DIAPH2: variants seen among roughly 807,000 people sequenced by gnomAD.
DIAPH2 encodes protein diaphanous homolog 2.
A neutral mutation model predicts 92.7 loss-of-function variants in DIAPH2; 35 were observed. That is an observed-to-expected ratio of 0.38 (90% CI 0.29 to 0.50). The LOEUF is 0.50. Ranked by LOEUF, DIAPH2 falls within the 20% of genes least tolerant of loss-of-function variation. The pLI is 0.94. For missense variants in DIAPH2, 701 were observed against 819.5 expected, an observed-to-expected ratio of 0.86 and a Z score of 1.77; for synonymous variants, 301 against 280.4, an observed-to-expected ratio of 1.07 and a Z score of -0.73.
intron 23 of DIAPH2, among the ~76,000 whole-genome samples, chrX:97,338,794 A>G (rs1265860666): frequency 6.2e-5 from 7 of 112,142 alleles, no homozygotes; most frequent in African/African-American, 2.3e-4. Flanking sequence ...TTCTAATTCT[A>G]ATGGAACATG....
intron 4 of DIAPH2, among the ~76,000 whole-genome samples, chrX:96,844,124 G>GCA (rs1180122896): frequency 8.9e-6 from 1 of 112,074 alleles, no homozygotes; most frequent in Non-Finnish European, 1.9e-5. Flanking sequence ...CTTCCCCAAT[G>GCA]CACATACTCT....
intron 23 of DIAPH2, among the ~76,000 whole-genome samples, chrX:97,330,075 G>C (rs2068985968): frequency 1.3e-5 from 1 of 77,150 alleles, no homozygotes; most frequent in African/African-American, 4.6e-5. Context: ...TAAAAATTTA[G>C]ATTTGGTGTT....
At chrX:97,102,931 C>A (rs760080257) in intron 20 of DIAPH2, among the ~76,000 whole-genome samples, 45 of 111,281 alleles carry the variant, frequency 4.0e-4, no homozygotes, top group African/African-American at 1.3e-3. Flanking sequence ...CAGAGCAAGA[C>A]TCCGCCTCAA....
At position 97,002,079 on chromosome X, in the gene DIAPH2, A is replaced by T. The variant is rs190306706; in HGVS notation, c.2050+36872A>T. 8.7e-3 allele frequency among the ~76,000 whole-genome samples: 969 copies of T among 111,132 alleles called. 8 individuals are homozygous for T. Among genetic ancestry groups the T allele is most frequent in the Middle Eastern group, 0.019 (4 of 215 alleles). Reference sequence around the variant, plus strand: ...AGTCAATAATCCACAAATGTATATTAGTCTCAGTGGCTGAGAGTCTGTGAG... The same window carrying T: ...AGTCAATAATCCACAAATGTATATTTGTCTCAGTGGCTGAGAGTCTGTGAG... On this transcript the variant is annotated intron_variant, in intron 17 of 26. Transcript: ENST00000324765.
chrX:97,372,883 A>G (rs1246134231), intron 24 of DIAPH2, among the ~76,000 whole-genome samples: 1 of 111,069 alleles, frequency 9.0e-6, no homozygotes, highest in African/African-American at 3.3e-5. Context: ...AGGCTGAGGC[A>G]GGAGAATCAC....
intron 26 of DIAPH2, among the ~76,000 whole-genome samples, chrX:97,503,552 C>T (rs1036185797): frequency 8.9e-6 from 1 of 112,029 alleles, no homozygotes; most frequent in African/African-American, 3.2e-5. Context: ...ATGCAGATTT[C>T]TTGATCCTCA....
chrX:97,017,979 G>A (rs1439470420), intron 17 of DIAPH2, among the ~76,000 whole-genome samples: 5 of 112,435 alleles, frequency 4.4e-5, no homozygotes, highest in African/African-American at 1.6e-4. Context: ...AGTTGCCTAG[G>A]TGAGCAAGGA....
intron 19 of DIAPH2, among the ~76,000 whole-genome samples, chrX:97,090,787 T>C (rs899714746): frequency 9.0e-6 from 1 of 110,840 alleles, no homozygotes; most frequent in African/African-American, 3.3e-5. Context: ...AAGAAAAGGG[T>C]CATTTGAGAT....
At chrX:97,583,248 C>T (rs751800839) in intron 26 of DIAPH2, among the ~76,000 whole-genome samples, 4,008 of 111,068 alleles carry the variant, frequency 0.036, 72 homozygotes, top group Non-Finnish European at 0.054. Flanking sequence ...AGGAGAGGCG[C>T]TCTGATTTTT....
chrX:96,978,348 A>ATAT (rs201359270), intron 17 of DIAPH2, among the ~76,000 whole-genome samples: 11 of 110,138 alleles, frequency 1.0e-4, no homozygotes, highest in East Asian at 2.8e-4. Context: ...AGCCCCATTT[A>ATAT]TATTATTATT....
intron 23 of DIAPH2, among the ~76,000 whole-genome samples, chrX:97,290,782 C>A (rs2147611874): frequency 8.9e-6 from 1 of 111,996 alleles, no homozygotes; most frequent in South Asian, 3.7e-4. Flanking sequence ...TTTAAGAAAG[C>A]TAGTGTATCT....
rs965589931 is a variant in DIAPH2, at chrX:97,599,940, C to T, written c.*623C>T. On this transcript the variant is annotated 3_prime_UTR_variant, in exon 27 of 27. Coordinates refer to ENST00000324765, the MANE Select transcript of DIAPH2 (RefSeq NM_006729.5). ...GGCTGAAATTAAACTTATCATTAGT[C>T]TAGCTAGCATTTCAGCATGATATTG... 4.4e-5 allele frequency: 5 copies of T among 112,485 alleles called. No individual in the cohort carries two copies. Among genetic ancestry groups the T allele is most frequent in the African/African-American group, 1.6e-4 (5 of 30,950 alleles). The allele number at this position is 112,485 out of a possible 1,213,427, so 9.3% of individuals were successfully genotyped here.
intron 23 of DIAPH2, among the ~76,000 whole-genome samples, chrX:97,279,089 A>T (rs1306814885): frequency 9.0e-6 from 1 of 111,628 alleles, no homozygotes; most frequent in Non-Finnish European, 1.9e-5. Flanking sequence ...AAGCCTGGGG[A>T]AATTAACTGA....
At chrX:97,100,561 G>A (rs1444525292) in intron 20 of DIAPH2, among the ~76,000 whole-genome samples, 2 of 111,663 alleles carry the variant, frequency 1.8e-5, no homozygotes, top group African/African-American at 6.5e-5. Flanking sequence ...TGGAGAAAAA[G>A]CTATTTTTTA....
chrX:97,454,584 G>A (rs190252035), intron 26 of DIAPH2, among the ~76,000 whole-genome samples: 165 of 108,484 alleles, frequency 1.5e-3, no homozygotes, highest in African/African-American at 2.4e-3. Context: ...GGCTGGGTGC[G>A]GTGACTCACG....
chrX:97,525,180 G>A (rs1276688411), intron 26 of DIAPH2, among the ~76,000 whole-genome samples: 3 of 111,899 alleles, frequency 2.7e-5, no homozygotes, highest in African/African-American at 6.5e-5. Context: ...TGTCACCTCT[G>A]TGGCTTCCTA....
chrX:96,687,741 C>T (rs1053386665), intron 1 of DIAPH2, among the ~76,000 whole-genome samples: 1 of 111,316 alleles, frequency 9.0e-6, no homozygotes, highest in African/African-American at 3.3e-5. Context: ...TTCAGAGTGG[C>T]ATTTCAACAC....
intron 17 of DIAPH2, among the ~76,000 whole-genome samples, chrX:97,015,927 C>T (rs1421183563): frequency 2.7e-5 from 3 of 110,696 alleles, no homozygotes; most frequent in Non-Finnish European, 5.7e-5. Context: ...TCTATGCTTG[C>T]TTTGGTTTTG....
chrX:97,130,401 A>G (rs753710583), intron 21 of DIAPH2, among the ~76,000 whole-genome samples: 15 of 111,941 alleles, frequency 1.3e-4, no homozygotes, highest in Non-Finnish European at 2.8e-4. Context: ...CATATATACA[A>G]TGGAATACTG....
Sources: gnomAD v4.1 joint callset for allele counts (sites outside exome capture counted in the v4.1 genomes callset) on GRCh38, gnomAD v4.1.1 for gene constraint, MANE v1.5 for transcripts, NCBI Gene and HGNC (gene_info 2026-07-23, HGNC 2026-07-21) for gene names.